Variants in TEAD4 observed in about 807,000 individuals in gnomAD.
The protein encoded by TEAD4 is TEA domain transcription factor 4.
In TEAD4, 36 loss-of-function variants were observed where a neutral mutation model predicts 52.4. That is an observed-to-expected ratio of 0.69 (90% CI 0.53 to 0.91). The LOEUF is 0.91. Ranked by LOEUF, TEAD4 falls within the 40% of genes least tolerant of loss-of-function variation. The pLI, the probability that TEAD4 is intolerant of heterozygous loss-of-function variation, is 0.00. For missense variants in TEAD4, 508 were observed against 583.9 expected, an observed-to-expected ratio of 0.87 and a Z score of 1.34; for synonymous variants, 220 against 231.0, an observed-to-expected ratio of 0.95 and a Z score of 0.43.
intron 10 of TEAD4, among the ~76,000 whole-genome samples, chr12:3,036,227 C>G (rs1591602269): frequency 6.6e-6 from 1 of 152,142 alleles, no homozygotes; most frequent in South Asian, 2.1e-4. Flanking sequence ...TTTTCCTCAT[C>G]ATAAACGTAA....
Position 3,040,588 on chromosome 12 carries a change from C to A in TEAD4, c.*110C>A. 1.1e-6 allele frequency: 1 copy of A among 938,498 alleles called. No individual in the cohort carries two copies. Among genetic ancestry groups the A allele is most frequent in the Non-Finnish European group, 1.7e-6 (1 of 602,438 alleles). 58.1% of individuals were successfully genotyped at this position (938,498 alleles called of 1,614,324 possible). On this transcript the variant is annotated 3_prime_UTR_variant, in exon 13 of 13. Transcript: ENST00000359864. ...GAAGTGCCAAGAGAGCTGAGAGGAGCAGTTGTGACTCTACCCAGGAACAAA... is the reference window on the plus strand; with the variant it reads ...GAAGTGCCAAGAGAGCTGAGAGGAGAAGTTGTGACTCTACCCAGGAACAAA...
chr12:3,005,015 C>T (rs975331340), intron 3 of TEAD4, among the ~76,000 whole-genome samples: 1 of 152,316 alleles, frequency 6.6e-6, no homozygotes, highest in Admixed American at 6.5e-5. Context: ...GATGAGCCAG[C>T]AAGGGAGAGG....
intron 10 of TEAD4, among the ~76,000 whole-genome samples, chr12:3,025,745 C>T (rs2098271690): frequency 6.6e-6 from 1 of 152,084 alleles, no homozygotes; most frequent in African/African-American, 2.4e-5. Context: ...CAGTGTTGGC[C>T]AGGCTGGTCT....
chr12:3,026,370 T>C (rs2098272093), intron 10 of TEAD4, among the ~76,000 whole-genome samples: 1 of 152,250 alleles, frequency 6.6e-6, no homozygotes, highest in East Asian at 1.9e-4. Context: ...ATAAATAGTT[T>C]TTCTTTCACA....
chr12:3,017,051 C>G (rs1007811773), intron 5 of TEAD4: 1 of 473,144 alleles, frequency 2.1e-6, no homozygotes, highest in Non-Finnish European at 4.2e-6. Flanking sequence ...ATTCATGCAT[C>G]GTTTTCACAA....
intron 2 of TEAD4, among the ~76,000 whole-genome samples, chr12:2,984,156 T>C (rs1336899327): frequency 6.6e-6 from 1 of 152,054 alleles, no homozygotes; most frequent in Non-Finnish European, 1.5e-5. Flanking sequence ...AAGAAGGAAG[T>C]ACAGAGGGTG....
intron 10 of TEAD4, among the ~76,000 whole-genome samples, chr12:3,023,353 G>T (rs1324063232): frequency 3.9e-5 from 6 of 152,136 alleles, no homozygotes; most frequent in Non-Finnish European, 8.8e-5. Context: ...GTTCTGGAAG[G>T]TCTTGATCAT....
intron 2 of TEAD4, among the ~76,000 whole-genome samples, chr12:2,977,382 G>A (rs1454322387): frequency 1.3e-5 from 2 of 152,056 alleles, no homozygotes; most frequent in African/African-American, 4.8e-5. Flanking sequence ...ATTGCTCAAG[G>A]GGTCCAGCTC....
intron 3 of TEAD4, among the ~76,000 whole-genome samples, chr12:3,001,278 G>A (rs2098251494): frequency 6.6e-6 from 1 of 152,212 alleles, no homozygotes; most frequent in South Asian, 2.1e-4. Context: ...CCATTTTTAT[G>A]TGTACAGGTC....
intron 2 of TEAD4, among the ~76,000 whole-genome samples, chr12:2,982,250 T>C (rs2098234629): frequency 6.6e-6 from 1 of 152,172 alleles, no homozygotes; most frequent in Non-Finnish European, 1.5e-5. Context: ...ACATTCCTGA[T>C]CCTTCTGGAA....
intron 10 of TEAD4, among the ~76,000 whole-genome samples, chr12:3,032,368 C>A (rs938877954): frequency 3.3e-5 from 5 of 152,070 alleles, no homozygotes; most frequent in Non-Finnish European, 2.9e-5. Context: ...AGCTCGCACT[C>A]TGGATGGGAG....
chr12:2,978,928 G>A (rs1373126171), intron 2 of TEAD4, among the ~76,000 whole-genome samples: 1 of 151,302 alleles, frequency 6.6e-6, no homozygotes, highest in African/African-American at 2.4e-5. Flanking sequence ...TTGTTTGTTT[G>A]TTTTGGAGAT....
intron 5 of TEAD4, 98 bp downstream of exon 5, chr12:3,012,330 C>A: frequency 7.5e-7 from 1 of 1,334,298 alleles, no homozygotes; most frequent in Non-Finnish European, 1.0e-6. Flanking sequence ...GTGTGCAAGT[C>A]AGTGTGCTTT....
chr12:2,972,823 T>C (rs895261636), intron 2 of TEAD4, among the ~76,000 whole-genome samples: 1 of 152,134 alleles, frequency 6.6e-6, no homozygotes, highest in Non-Finnish European at 1.5e-5. Context: ...TCCTATAAAA[T>C]AGAGTGAATC....
At chr12:2,962,356 A>G (rs1189587858) in intron 2 of TEAD4, among the ~76,000 whole-genome samples, 2 of 138,896 alleles carry the variant, frequency 1.4e-5, no homozygotes, top group African/African-American at 2.8e-5. Flanking sequence ...ATTTTTTGAG[A>G]TGGAGTTTCG....
chr12:2,962,278 A>T (rs1254728288), intron 2 of TEAD4, among the ~76,000 whole-genome samples: 2 of 134,538 alleles, frequency 1.5e-5, no homozygotes, highest in South Asian at 2.2e-4. Context: ...ATATATATTT[A>T]TATATATTTA....
At chr12:3,007,234 G>A (rs2098256679) in intron 3 of TEAD4, among the ~76,000 whole-genome samples, 1 of 152,218 alleles carries the variant, frequency 6.6e-6, no homozygotes, top group South Asian at 2.1e-4. Flanking sequence ...TTTGGGGTTA[G>A]GGTCTCAGCT....
At chr12:3,036,079 G>A (rs116749861) in intron 10 of TEAD4, among the ~76,000 whole-genome samples, 2,184 of 152,246 alleles carry the variant, frequency 0.014, 58 homozygotes, top group African/African-American at 0.05. Flanking sequence ...GTAGTGGAGG[G>A]TGTTTAGGAT....
chr12:3,007,570 C>T (rs141981409), intron 3 of TEAD4, among the ~76,000 whole-genome samples: 139 of 152,314 alleles, frequency 9.1e-4, no homozygotes, highest in African/African-American at 3.1e-3. Context: ...AGTCCCTAAA[C>T]TTAATTTTTG....
Sources: gnomAD v4.1 joint callset for allele counts (sites outside exome capture counted in the v4.1 genomes callset) on GRCh38, gnomAD v4.1.1 for gene constraint, MANE v1.5 for transcripts, NCBI Gene and HGNC (gene_info 2026-07-23, HGNC 2026-07-21) for gene names.